The following SNX29 variants were observed in gnomAD, a reference collection of about 807,000 sequenced individuals.
SNX29 encodes the protein sorting nexin-29.
In SNX29, 78 loss-of-function variants were observed where a neutral mutation model predicts 102.1. The observed-to-expected ratio is 0.76, with a 90% CI of 0.64 to 0.92. The LOEUF is 0.92. SNX29 is among the 40% of genes least tolerant of loss of function. The pLI is 0.00. For synonymous variants in SNX29, 580 were observed against 414.5 expected (o/e 1.40, Z -4.85); for missense variants, 1,280 against 1,061.7 (o/e 1.21, Z -2.86).
chr16:12,048,732 C>T, intron 7 of SNX29, 112 bp downstream of exon 7: 1 of 1,560,732 alleles, frequency 6.4e-7, no homozygotes, highest in Non-Finnish European at 8.8e-7. Flanking sequence ...GTCCAGTGCA[C>T]TTGCGTTTTC....
chr16:12,144,919 C>T (rs2055001431), intron 13 of SNX29, among the ~76,000 whole-genome samples: 1 of 152,216 alleles, frequency 6.6e-6, no homozygotes, highest in African/African-American at 2.4e-5. Flanking sequence ...GACGGGGTTT[C>T]ACCGGGTTAG....
In SNX29 at chr16:12,466,809, G is replaced by A. The variant is rs548346484; in HGVS notation, c.2038-10910G>A. On this transcript the variant is annotated intron_variant, in intron 18 of 20. Transcript: ENST00000566228. ...GGCTCTTGGGTCCTCGGTGGGCTCC[G>A]AGGGGATTGGAAAGTCCATTAACTT... is the stretch of plus-strand genomic sequence containing the variant. Among the ~76,000 whole-genome samples, 130 of 152,348 alleles carry A rather than the reference G, an allele frequency of 8.5e-4. 1 individual carries two copies. Among genetic ancestry groups the A allele is most frequent in the African/African-American group, 2.9e-3 (119 of 41,582 alleles).
At position 12,055,236 on chromosome 16, in the gene SNX29, T is replaced by C. The variant is rs1465435461; in HGVS notation, c.1124+3014T>C. ...TGTTTCTGTGTCTCTGTTTCCTTTCTTTTTTTTTTTTTTCTGAGATGGAGT... is the reference window on the plus strand; with the variant it reads ...TGTTTCTGTGTCTCTGTTTCCTTTCCTTTTTTTTTTTTTCTGAGATGGAGT... On this transcript the variant is annotated intron_variant, in intron 8 of 20. Coordinates refer to ENST00000566228, the MANE Select transcript of SNX29 (RefSeq NM_032167.5). 2.7e-4 allele frequency among the ~76,000 whole-genome samples: 14 copies of C among 52,294 alleles called. No individual in the cohort carries two copies. The Admixed American group carries it at 2.7e-3, about 10-fold the overall frequency. 34.3% of individuals were successfully genotyped at this position (52,294 alleles called of 152,430 possible). A position where few individuals can be genotyped will look rare whatever the true frequency, so the allele number is the denominator to read the frequency against.
chr16:12,487,832 A>G (rs2088325979), intron 19 of SNX29, among the ~76,000 whole-genome samples: 2 of 152,180 alleles, frequency 1.3e-5, no homozygotes, highest in African/African-American at 4.8e-5. Flanking sequence ...CTCATTTGAC[A>G]CTCTGCCAAC....
chr16:12,287,547 C>G (rs1211407658), intron 15 of SNX29, among the ~76,000 whole-genome samples: 1 of 152,202 alleles, frequency 6.6e-6, no homozygotes, highest in African/African-American at 2.4e-5. Flanking sequence ...ATCCAAAGCA[C>G]AACGTTGATT....
chr16:12,061,745 G>C, intron 9 of SNX29, 99 bp downstream of exon 9: 1 of 985,278 alleles, frequency 1.0e-6, no homozygotes. Flanking sequence ...AATGGGAGCC[G>C]GGAGGCACGG....
intron 14 of SNX29, among the ~76,000 whole-genome samples, chr16:12,271,708 CGCCTCCTGGGTTCAAG>C: frequency 6.6e-6 from 1 of 151,856 alleles, no homozygotes; most frequent in East Asian, 1.9e-4. Context: ...CTGCAACCTC[CGCCTCCTGGGTTCAAG>C]TGATTCTCCT....
Position 12,572,431 on chromosome 16 carries a change from T to A in SNX29, c.*3802T>A. On this transcript the variant is annotated 3_prime_UTR_variant, in exon 21 of 21. Transcript: ENST00000566228. ...CTCTGTGGCCCAGGCCGGCAGTGGCTGCCTCTCTTGGTTCTGCATGGTACA... is the reference window on the plus strand; with the variant it reads ...CTCTGTGGCCCAGGCCGGCAGTGGCAGCCTCTCTTGGTTCTGCATGGTACA... 2 of 1,063,384 alleles carry A rather than the reference T, an allele frequency of 1.9e-6. No homozygotes were observed. Among genetic ancestry groups the A allele is most frequent in the Non-Finnish European group, 2.3e-6 (2 of 878,030 alleles). The allele number at this position is 1,063,384 out of a possible 1,614,324, so 65.9% of individuals were successfully genotyped here.
chr16:12,277,434 A>G (rs2079287744), intron 14 of SNX29, among the ~76,000 whole-genome samples: 2 of 152,090 alleles, frequency 1.3e-5, no homozygotes, highest in Admixed American at 6.6e-5. Context: ...CCACCCCCCA[A>G]AACAACCAGC....
intron 19 of SNX29, among the ~76,000 whole-genome samples, chr16:12,511,537 C>A (rs769851443): frequency 1.7e-4 from 26 of 152,260 alleles, no homozygotes; most frequent in Middle Eastern, 3.4e-3. Flanking sequence ...CCTTCAGCTC[C>A]GTGTGGAGCC....
At chr16:12,446,953 T>A (rs2086083839) in intron 18 of SNX29, among the ~76,000 whole-genome samples, 1 of 150,096 alleles carries the variant, frequency 6.7e-6, no homozygotes, top group Admixed American at 6.6e-5. Context: ...TCATTTGAGG[T>A]CAGGGGTTCA....
At chr16:11,995,518 G>A (rs2056031546) in intron 1 of SNX29, among the ~76,000 whole-genome samples, 1 of 151,878 alleles carries the variant, frequency 6.6e-6, no homozygotes, top group African/African-American at 2.4e-5. Flanking sequence ...ATCTCGGGTA[G>A]TTTTTGTATA....
chr16:12,555,049 AAG>A (rs200099009), intron 20 of SNX29, among the ~76,000 whole-genome samples: 2,169 of 151,820 alleles, frequency 0.014, 51 homozygotes, highest in African/African-American at 0.049. Context: ...GAGCAGCCTC[AAG>A]AGGCTGGTTG....
chr16:12,415,266 C>T (rs1025834856), intron 18 of SNX29, among the ~76,000 whole-genome samples: 6 of 152,360 alleles, frequency 3.9e-5, no homozygotes, highest in African/African-American at 1.4e-4. Context: ...CCACACTGTC[C>T]TGAAGGCTGG....
At chr16:12,181,200 C>G (rs983815305) in intron 13 of SNX29, among the ~76,000 whole-genome samples, 6 of 152,176 alleles carry the variant, frequency 3.9e-5, no homozygotes, top group African/African-American at 1.4e-4. Flanking sequence ...TGAGACAGGC[C>G]TCAGTTAATT....
At chr16:12,336,059 A>G (rs560204607) in intron 15 of SNX29, among the ~76,000 whole-genome samples, 1 of 152,308 alleles carries the variant, frequency 6.6e-6, no homozygotes, top group African/African-American at 2.4e-5. Context: ...ACCCTTATTA[A>G]ATCAAAGAAG....
rs370928109 is a variant in SNX29, at chr16:12,318,020, C to T, written c.1783-38143C>T. On this transcript the variant is annotated intron_variant, in intron 15 of 20. Coordinates refer to ENST00000566228, the MANE Select transcript of SNX29 (RefSeq NM_032167.5). Reference sequence around the variant, plus strand: ...GAGGCGGTGGTTGTCATCACGCCACCGATGGAGGACTGACCTTGTGTTCGG... The same window carrying T: ...GAGGCGGTGGTTGTCATCACGCCACTGATGGAGGACTGACCTTGTGTTCGG... Among the ~76,000 whole-genome samples, 7 of 152,202 alleles carry T rather than the reference C, an allele frequency of 4.6e-5. No homozygotes were observed. The South Asian group carries it at 6.2e-4, about 14-fold the overall frequency.
chr16:12,164,098 G>A (rs2055909043), intron 13 of SNX29, among the ~76,000 whole-genome samples: 1 of 152,098 alleles, frequency 6.6e-6, no homozygotes, highest in Non-Finnish European at 1.5e-5. Context: ...CGGTGTGTGT[G>A]TAGGGGCACA....
chr16:12,462,381 G>A (rs887709107), intron 18 of SNX29, among the ~76,000 whole-genome samples: 34 of 152,076 alleles, frequency 2.2e-4, no homozygotes, highest in African/African-American at 6.5e-4. Context: ...GAGGATTGGA[G>A]GTGTGTTGTC....
Sources: allele counts gnomAD v4.1 joint callset (sites outside exome capture counted in the v4.1 genomes callset), GRCh38; gene constraint gnomAD v4.1.1; transcripts MANE v1.5; gene names NCBI Gene and HGNC (gene_info 2026-07-23, HGNC 2026-07-21).